Variants in BAZ2B observed in about 807,000 individuals in gnomAD.
The protein encoded by BAZ2B is bromodomain adjacent to zinc finger domain 2B, also known as bromodomain adjacent to zinc finger domain protein 2B.
Under a neutral mutation model 246.0 loss-of-function variants are expected in BAZ2B, and 91 were observed. The observed-to-expected ratio is 0.37, with a 90% CI of 0.31 to 0.44. The LOEUF is 0.44. Ranked by LOEUF, BAZ2B falls within the 20% of genes least tolerant of loss-of-function variation. BAZ2B has a pLI of 1.00. For missense variants in BAZ2B, 2,332 were observed against 2,533.7 expected, an observed-to-expected ratio of 0.92 and a Z score of 1.71; for synonymous variants, 855 against 860.0, an observed-to-expected ratio of 0.99 and a Z score of 0.10.
intron 3 of BAZ2B, chr2:159,461,557 A>G (rs2076409965): frequency 6.6e-6 from 1 of 152,516 alleles, no homozygotes; most frequent in African/African-American, 2.4e-5. Context: ...CAATCCTGCC[A>G]TAAAGTATTA....
intron 20 of BAZ2B, among the ~76,000 whole-genome samples, chr2:159,390,518 C>T (rs1041460195): frequency 6.6e-6 from 1 of 152,112 alleles, no homozygotes; most frequent in Admixed American, 6.6e-5. Flanking sequence ...GCAGTCATTG[C>T]TTTCTGTACT....
chr2:159,634,209 C>T, the BAZ2B span, among the ~76,000 whole-genome samples: 10 of 152,282 alleles, frequency 6.6e-5, no homozygotes, highest in East Asian at 1.9e-4. Context: ...ATTTCTTTAA[C>T]GTAATGGTGA....
chr2:159,542,424 G>A (rs944330256), intron 2 of BAZ2B, among the ~76,000 whole-genome samples: 10 of 152,168 alleles, frequency 6.6e-5, no homozygotes, highest in African/African-American at 2.4e-4. Flanking sequence ...AGAAAATCTT[G>A]AAGGCAGCAA....
chr2:159,669,089 T>TG, the BAZ2B span, among the ~76,000 whole-genome samples: 1 of 151,914 alleles, frequency 6.6e-6, no homozygotes, highest in East Asian at 1.9e-4. Flanking sequence ...AGAAAGAAAT[T>TG]GAAGTTATGT....
At chr2:159,337,881 T>G (rs2065925724) in intron 31 of BAZ2B, 109 bp from the exon 32 acceptor site, 1 of 1,062,272 alleles carries the variant, frequency 9.4e-7, no homozygotes, top group African/African-American at 1.6e-5. Flanking sequence ...TCAAGGATTG[T>G]TACTAAAAGA....
intron 2 of BAZ2B, among the ~76,000 whole-genome samples, chr2:159,506,315 C>T (rs2082322406): frequency 6.6e-6 from 1 of 152,088 alleles, no homozygotes; most frequent in Non-Finnish European, 1.5e-5. Context: ...AGGAGGGAAA[C>T]TGGACCTAGC....
intron 3 of BAZ2B, among the ~76,000 whole-genome samples, chr2:159,477,757 C>A (rs1399625615): frequency 6.6e-6 from 1 of 152,002 alleles, no homozygotes; most frequent in African/African-American, 2.4e-5. Context: ...GTAAAAGAAC[C>A]AAGAGTGATT....
the BAZ2B span, among the ~76,000 whole-genome samples, chr2:159,646,684 C>T: frequency 2.1e-3 from 319 of 152,220 alleles, 1 homozygote; most frequent in African/African-American, 7.5e-3. Context: ...TCAGCTGGTT[C>T]CTCTGTTTGG....
chr2:159,326,190 C>A (rs929468569), intron 34 of BAZ2B, among the ~76,000 whole-genome samples: 9 of 152,082 alleles, frequency 5.9e-5, no homozygotes, highest in Admixed American at 4.6e-4. Flanking sequence ...CAGAAGGTGT[C>A]TGTAGTATTC....
At chr2:159,500,981 A>G (rs2081641556) in intron 2 of BAZ2B, among the ~76,000 whole-genome samples, 1 of 147,504 alleles carries the variant, frequency 6.8e-6, no homozygotes, top group Non-Finnish European at 1.5e-5. Context: ...AGAAAAGGAA[A>G]GAAAACGGCT....
At chr2:159,477,244 G>T (rs2078695544) in intron 3 of BAZ2B, among the ~76,000 whole-genome samples, 1 of 152,072 alleles carries the variant, frequency 6.6e-6, no homozygotes. Flanking sequence ...GGTGGAGCTT[G>T]CAGTGAGCCA....
intron 27 of BAZ2B, among the ~76,000 whole-genome samples, chr2:159,368,369 C>G (rs1343182762): frequency 2.6e-5 from 4 of 152,258 alleles, no homozygotes; most frequent in Admixed American, 2.6e-4. Flanking sequence ...TGCATCTCCA[C>G]AGCACTTAGT....
the BAZ2B span, among the ~76,000 whole-genome samples, chr2:159,662,709 T>G: frequency 6.6e-6 from 1 of 151,778 alleles, no homozygotes; most frequent in Non-Finnish European, 1.5e-5. Context: ...TTTTTGTATT[T>G]TTAGTAGACA....
rs773518392 is a variant in BAZ2B at position 159,433,263 on chromosome 2, G to C, written c.1394C>G (p.Ser465Cys). ...TTGTTTTGGATGTGCTGGTGAACTA[G>C]AGGTTGCTTTTGGATTTGACAAAGC... ...IAALSNPKAT[S>C]SSPAHPKQTL... Residue 465 changes from serine (S) to cysteine (C), a missense_variant, in exon 9 of 37, where the codon TCT becomes TGT. Physicochemically the swap from Ser to Cys is moderately radical, Grantham distance 112. Around this residue, in one of 9 missense-constraint regions of BAZ2B, gnomAD observed 651 missense variants for 650.9 expected, o/e 1.00. Coordinates refer to ENST00000392783, the MANE Select transcript of BAZ2B (RefSeq NM_013450.4). 6.2e-7 allele frequency: 1 copy of C among 1,614,158 alleles called. No individual in the cohort carries two copies. Among genetic ancestry groups the C allele is most frequent in the Non-Finnish European group, 8.5e-7 (1 of 1,180,020 alleles).
chr2:159,579,175 A>AG (rs1453345159), intron 1 of BAZ2B, among the ~76,000 whole-genome samples: 1 of 152,202 alleles, frequency 6.6e-6, no homozygotes, highest in Non-Finnish European at 1.5e-5. Context: ...ATAGATCGCT[A>AG]GCAAGACTAA....
the BAZ2B span, among the ~76,000 whole-genome samples, chr2:159,688,013 A>G: frequency 6.6e-6 from 1 of 152,306 alleles, no homozygotes; most frequent in African/African-American, 2.4e-5. Context: ...CATATCTTAA[A>G]TTATTATAAA....
intron 1 of BAZ2B, among the ~76,000 whole-genome samples, chr2:159,584,716 G>A (rs962908574): frequency 2.0e-5 from 3 of 152,176 alleles, no homozygotes; most frequent in Admixed American, 6.5e-5. Context: ...TTAGATCTGT[G>A]TCCTCACCAA....
At chr2:159,541,144 G>C (rs1034846761) in intron 2 of BAZ2B, among the ~76,000 whole-genome samples, 4 of 152,040 alleles carry the variant, frequency 2.6e-5, no homozygotes, top group Non-Finnish European at 5.9e-5. Flanking sequence ...CTTAATCACT[G>C]TATGACCTTG....
At chr2:159,616,886 A>C (rs1007220552), upstream of BAZ2B, 2 of 152,164 alleles carry the variant, frequency 1.3e-5, no homozygotes, top group Non-Finnish European at 2.9e-5. Flanking sequence ...ATCTCCACCT[A>C]AATTTTTTTT....
Sources: gnomAD v4.1 joint callset for allele counts (sites outside exome capture counted in the v4.1 genomes callset) on GRCh38, gnomAD v4.1.1 for gene constraint, gnomAD v4.1.1 regional missense constraint, MANE v1.5 for transcripts, NCBI Gene and HGNC (gene_info 2026-07-23, HGNC 2026-07-21) for gene names.